The following XKR9 variants were observed in gnomAD, a reference collection of about 807,000 sequenced individuals.
XKR9 encodes the protein XK related 9.
Under a neutral mutation model 32.0 loss-of-function variants are expected in XKR9, and 32 were observed. The ratio of observed to expected loss-of-function variants is 1.00; its 90% CI spans 0.76 to 1.34. XKR9 has a LOEUF of 1.34. Among genes scored for constraint, XKR9 ranks in the 40% most tolerant of loss-of-function variants. The pLI, the probability that XKR9 is intolerant of heterozygous loss-of-function variation, is 0.00. For missense variants in XKR9, 546 were observed against 429.7 expected, an observed-to-expected ratio of 1.27 and a Z score of -2.39; for synonymous variants, 168 against 143.4, an observed-to-expected ratio of 1.17 and a Z score of -1.22.
the XKR9 span, among the ~76,000 whole-genome samples, chr8:70,997,608 C>A: frequency 6.8e-6 from 1 of 146,246 alleles, no homozygotes; most frequent in Non-Finnish European, 1.5e-5. Flanking sequence ...GTTGGGGACA[C>A]GGGGGAAAGG....
intron 1 of XKR9, among the ~76,000 whole-genome samples, chr8:70,670,183 C>CACTA (rs1416939279): frequency 6.6e-6 from 1 of 152,160 alleles, no homozygotes; most frequent in East Asian, 1.9e-4. Flanking sequence ...ACCTGCCTCG[C>CACTA]ACTAACACTT....
chr8:70,707,338 C>T (rs1805757148), intron 4 of XKR9, among the ~76,000 whole-genome samples, 185 bp downstream of exon 4: 1 of 151,784 alleles, frequency 6.6e-6, no homozygotes, highest in Non-Finnish European at 1.5e-5. Flanking sequence ...ATTCATCTGC[C>T]CAGAAAGAAA....
At chr8:70,940,549 T>C in the XKR9 span, among the ~76,000 whole-genome samples, 1 of 152,078 alleles carries the variant, frequency 6.6e-6, no homozygotes, top group African/African-American at 2.4e-5. Context: ...TGAGATAATA[T>C]ATGTAAAGTA....
intron 3 of XKR9, among the ~76,000 whole-genome samples, chr8:70,683,947 T>C (rs1474568033): frequency 1.3e-5 from 2 of 152,244 alleles, no homozygotes; most frequent in Non-Finnish European, 2.9e-5. Flanking sequence ...GAATTCTAGA[T>C]GAGTAGTTAT....
the XKR9 span, among the ~76,000 whole-genome samples, chr8:71,056,604 C>T: frequency 6.6e-6 from 1 of 152,124 alleles, no homozygotes; most frequent in Non-Finnish European, 1.5e-5. Context: ...AGTTTTCTCA[C>T]CCTAATGCCT....
the XKR9 span, among the ~76,000 whole-genome samples, chr8:71,002,499 ATT>A: frequency 6.6e-6 from 1 of 151,870 alleles, no homozygotes; most frequent in Non-Finnish European, 1.5e-5. Context: ...CTTTAAGTAA[ATT>A]TAATTTATAT....
intron 2 of XKR9, among the ~76,000 whole-genome samples, chr8:70,679,846 AT>A (rs1384839801): frequency 6.6e-6 from 1 of 152,258 alleles, no homozygotes; most frequent in East Asian, 1.9e-4. Flanking sequence ...TATATACAAC[AT>A]TTTGCTCAGT....
At chr8:70,792,313 G>T (rs1330312647), downstream of XKR9, among the ~76,000 whole-genome samples, 1 of 152,086 alleles carries the variant, frequency 6.6e-6, no homozygotes, top group Non-Finnish European at 1.5e-5. Flanking sequence ...CATTACAACA[G>T]TGGGGAAAGT....
At chr8:70,843,154 T>C in the XKR9 span, among the ~76,000 whole-genome samples, 4 of 152,182 alleles carry the variant, frequency 2.6e-5, no homozygotes, top group Non-Finnish European at 4.4e-5. Context: ...TAATATACTA[T>C]AAAAATAATA....
intron 2 of XKR9, among the ~76,000 whole-genome samples, chr8:70,753,273 A>C (rs1442327014): frequency 6.6e-6 from 1 of 152,088 alleles, no homozygotes; most frequent in East Asian, 1.9e-4. Flanking sequence ...GCAATAATCA[A>C]TAGCTTACCA....
At chr8:70,997,310 A>C in the XKR9 span, among the ~76,000 whole-genome samples, 1 of 147,774 alleles carries the variant, frequency 6.8e-6, no homozygotes, top group Non-Finnish European at 1.5e-5. Flanking sequence ...AAAAACAAAC[A>C]AAAAAAAAAC....
At chr8:70,839,156 A>G in the XKR9 span, among the ~76,000 whole-genome samples, 1 of 152,092 alleles carries the variant, frequency 6.6e-6, no homozygotes, top group Non-Finnish European at 1.5e-5. Flanking sequence ...TTTCCTTCTT[A>G]TTACATTCAT....
chr8:70,941,445 A>ACT, the XKR9 span, among the ~76,000 whole-genome samples: 14 of 152,128 alleles, frequency 9.2e-5, no homozygotes, highest in Non-Finnish European at 2.1e-4. Flanking sequence ...GCTATACTTA[A>ACT]AACAGTCATA....
chr8:70,791,708 A>G (rs1807766419), downstream of XKR9, among the ~76,000 whole-genome samples: 1 of 152,050 alleles, frequency 6.6e-6, no homozygotes, highest in South Asian at 2.1e-4. Flanking sequence ...TGTACTTCCC[A>G]GCCTCCAGAA....
At chr8:70,800,297 A>G in the XKR9 span, among the ~76,000 whole-genome samples, 3 of 152,180 alleles carry the variant, frequency 2.0e-5, no homozygotes, top group African/African-American at 4.8e-5. Context: ...ATCAATATTC[A>G]TCAAGGATAT....
chr8:70,812,545 A>G, the XKR9 span, among the ~76,000 whole-genome samples: 5 of 152,230 alleles, frequency 3.3e-5, no homozygotes, highest in African/African-American at 1.2e-4. Flanking sequence ...AGAAAACCCC[A>G]TCGTCTCAGC....
chr8:70,813,728 C>A, the XKR9 span, among the ~76,000 whole-genome samples: 1 of 152,176 alleles, frequency 6.6e-6, no homozygotes, highest in Admixed American at 6.5e-5. Context: ...AAATGCAAAT[C>A]AAAACCGCAA....
the XKR9 span, among the ~76,000 whole-genome samples, chr8:71,000,296 G>A: frequency 3.3e-5 from 5 of 152,140 alleles, no homozygotes; most frequent in African/African-American, 9.7e-5. Flanking sequence ...TGATCTGAGT[G>A]GGGACAAGAC....
the XKR9 span, among the ~76,000 whole-genome samples, chr8:70,820,530 G>GCTTGTATTA: frequency 6.6e-6 from 1 of 152,064 alleles, no homozygotes; most frequent in African/African-American, 2.4e-5. Flanking sequence ...TTAACAACCA[G>GCTTGTATTA]CTTGTATTAG....
Sources: allele counts gnomAD v4.1 joint callset (sites outside exome capture counted in the v4.1 genomes callset), GRCh38; gene constraint gnomAD v4.1.1; transcripts MANE v1.5; gene names NCBI Gene and HGNC (gene_info 2026-07-23, HGNC 2026-07-21).